The following NAV2 variants were observed in gnomAD, a reference collection of about 807,000 sequenced individuals.
NAV2 encodes the protein helicase, APC down-regulated 1.
Under a neutral mutation model 223.2 loss-of-function variants are expected in NAV2, and 54 were observed. That is an observed-to-expected ratio of 0.24 (90% CI 0.19 to 0.30). The LOEUF is 0.30. Among genes scored for constraint, NAV2 ranks in the 10% least tolerant of loss-of-function variants. The probability of loss-of-function intolerance (pLI) is 1.00; values close to 1 mark genes in which losing one functional copy is unlikely to be tolerated. For synonymous variants in NAV2, 1,279 were observed against 1,239.3 expected, an observed-to-expected ratio of 1.03 and a Z score of -0.67; for missense variants, 2,806 against 3,147.5, an observed-to-expected ratio of 0.89 and a Z score of 2.60.
chr11:19,395,659 G>A (rs893635898), intron 1 of NAV2, among the ~76,000 whole-genome samples: 5 of 152,172 alleles, frequency 3.3e-5, no homozygotes, highest in Non-Finnish European at 7.3e-5. Context: ...ACTTGCTACC[G>A]GTTTCTGGAT....
chr11:19,771,722 T>C (rs1314211375), intron 1 of NAV2, among the ~76,000 whole-genome samples: 1 of 152,124 alleles, frequency 6.6e-6, no homozygotes, highest in African/African-American at 2.4e-5. Flanking sequence ...CTTTACATAA[T>C]TCTTTATCTC....
chr11:19,422,348 G>A (rs778723185), intron 1 of NAV2, among the ~76,000 whole-genome samples: 11 of 152,298 alleles, frequency 7.2e-5, no homozygotes, highest in South Asian at 2.1e-4. Context: ...GCCTTCATGC[G>A]TGATCCCATG....
chr11:19,680,155 A>G (rs7927786), intron 1 of NAV2, among the ~76,000 whole-genome samples: 24,535 of 152,170 alleles, frequency 0.16, 4,343 homozygotes, highest in African/African-American at 0.44. Flanking sequence ...TTATTCCAGC[A>G]CCCAGGACAA....
At chr11:19,774,322 T>A (rs1426244269) in intron 1 of NAV2, among the ~76,000 whole-genome samples, 1 of 152,182 alleles carries the variant, frequency 6.6e-6, no homozygotes, top group African/African-American at 2.4e-5. Context: ...GACTAAGGCA[T>A]GCACAATCAC....
chr11:19,876,971 ATTTAT>A (rs1423308104), intron 4 of NAV2, among the ~76,000 whole-genome samples: 1 of 148,866 alleles, frequency 6.7e-6, no homozygotes, highest in Non-Finnish European at 1.5e-5. Context: ...AAAAATATTT[ATTTAT>A]TTAAATAAAG....
intron 17 of NAV2, among the ~76,000 whole-genome samples, 159 bp downstream of exon 17, chr11:20,051,492 C>T (rs956754440): frequency 2.0e-5 from 3 of 152,162 alleles, no homozygotes; most frequent in Non-Finnish European, 4.4e-5. Context: ...TGCACCCTCT[C>T]GTTCTCACTC....
rs370637635 is a variant in NAV2, at chr11:19,534,503, G to A, written c.75+183476G>A. On this transcript the variant is annotated intron_variant, in intron 1 of 37. Transcript: ENST00000360655. ...GGAAGGAGAGCAATAAAAGAGGTGAGAGAGAGAGAAGTGAAGGAGCACAGA... is the reference window on the plus strand; with the variant it reads ...GGAAGGAGAGCAATAAAAGAGGTGAAAGAGAGAGAAGTGAAGGAGCACAGA... Among the ~76,000 whole-genome samples, 7 of 152,182 alleles carry A rather than the reference G, an allele frequency of 4.6e-5. No homozygotes were observed. In the East Asian group the frequency reaches 7.7e-4, roughly 17 times the overall value.
upstream of NAV2, among the ~76,000 whole-genome samples, chr11:19,709,365 A>AC (rs1460869312): frequency 2.0e-5 from 3 of 151,774 alleles, no homozygotes; most frequent in Non-Finnish European, 4.4e-5. Flanking sequence ...ACATGGTGGA[A>AC]CCCCGTCTCT....
intron 11 of NAV2, among the ~76,000 whole-genome samples, chr11:20,005,353 C>T (rs907004991): frequency 6.6e-6 from 1 of 151,012 alleles, no homozygotes; most frequent in African/African-American, 2.4e-5. Context: ...TCAAGCAATT[C>T]TCCTCTCTCA....
intron 1 of NAV2, among the ~76,000 whole-genome samples, chr11:19,615,895 G>A (rs147583125): frequency 9.2e-5 from 14 of 152,258 alleles, no homozygotes; most frequent in East Asian, 3.9e-4. Flanking sequence ...CATCAGCTCC[G>A]TCTGAGTCCA....
chr11:19,563,671 T>C (rs2045173836), intron 1 of NAV2, among the ~76,000 whole-genome samples: 1 of 152,134 alleles, frequency 6.6e-6, no homozygotes, highest in African/African-American at 2.4e-5. Flanking sequence ...TTAATATGTA[T>C]CCCAAGCGAT....
intron 10 of NAV2, among the ~76,000 whole-genome samples, chr11:19,969,482 A>C (rs2049038722): frequency 6.6e-6 from 1 of 152,226 alleles, no homozygotes; most frequent in Admixed American, 6.5e-5. Flanking sequence ...AATGCATAAA[A>C]TATACATACA....
chr11:19,934,366 A>T, intron 7 of NAV2, 89 bp downstream of exon 7: 2 of 1,406,744 alleles, frequency 1.4e-6, no homozygotes, highest in Non-Finnish European at 1.9e-6. Context: ...CAGAAGCTAG[A>T]CTGTGCTCCA....
intron 1 of NAV2, among the ~76,000 whole-genome samples, chr11:19,677,353 G>T (rs778841119): frequency 6.6e-6 from 1 of 152,240 alleles, no homozygotes; most frequent in African/African-American, 2.4e-5. Flanking sequence ...CTGGCTGCGG[G>T]AAGAAAGGCA....
At chr11:19,633,603 C>G (rs563050962) in intron 1 of NAV2, among the ~76,000 whole-genome samples, 1 of 152,386 alleles carries the variant, frequency 6.6e-6, no homozygotes, top group East Asian at 1.9e-4. Context: ...CCTGACGGAG[C>G]TCGGGCCCAG....
At chr11:20,072,725 G>T (rs1023204782) in intron 22 of NAV2, among the ~76,000 whole-genome samples, 2 of 152,080 alleles carry the variant, frequency 1.3e-5, no homozygotes, top group African/African-American at 2.4e-5. Context: ...CTCATGATTT[G>T]GTTCTCTGTT....
At position 19,520,828 on chromosome 11, in the gene NAV2, T is replaced by A. The variant is rs2702713; in HGVS notation, c.75+169801T>A. Among the ~76,000 whole-genome samples, 12 of 152,142 alleles carry A rather than the reference T, an allele frequency of 7.9e-5. No homozygotes were observed. In the South Asian group the frequency reaches 2.3e-3, roughly 29 times the overall value. ...GCTGGTCTCAGTCCCAAGCTGGCAC[T>A]CACAGGAGGCAGGGGCGTGGGCCTT... On this transcript the variant is annotated intron_variant, in intron 1 of 37. Transcript: ENST00000360655.
intron 1 of NAV2, among the ~76,000 whole-genome samples, chr11:19,546,058 C>A (rs2044490337): frequency 6.6e-6 from 1 of 152,120 alleles, no homozygotes; most frequent in Non-Finnish European, 1.5e-5. Context: ...TCAGATGCTT[C>A]CAGGGAACCC....
chr11:20,113,643 GTTTTGAAAAGGAGTAGCAC>G (rs938219550), intron 36 of NAV2, among the ~76,000 whole-genome samples: 1 of 152,174 alleles, frequency 6.6e-6, no homozygotes, highest in Non-Finnish European at 1.5e-5. Context: ...GCAATTTGCT[GTTTTGAAAAGGAGTAGCAC>G]TTCTATATAG....
Sources: allele counts gnomAD v4.1 joint callset (sites outside exome capture counted in the v4.1 genomes callset), GRCh38; gene constraint gnomAD v4.1.1; transcripts MANE v1.5; gene names NCBI Gene and HGNC (gene_info 2026-07-23, HGNC 2026-07-21).